Variants in FHOD1 observed in about 807,000 individuals in gnomAD.
FHOD1 encodes FH1/FH2 domain-containing protein 1.
FHOD1 carries 89 observed loss-of-function variants against 111.6 expected under a neutral mutation model. The observed-to-expected ratio is 0.80, with a 90% CI of 0.67 to 0.95. FHOD1 has a LOEUF of 0.95. FHOD1 is among the 40% of genes least tolerant of loss of function. The probability of loss-of-function intolerance (pLI) is 0.00; values close to 1 mark genes in which losing one functional copy is unlikely to be tolerated. For missense variants in FHOD1, 1,446 were observed against 1,554.2 expected, an observed-to-expected ratio of 0.93 and a Z score of 1.17; for synonymous variants, 618 against 639.0, an observed-to-expected ratio of 0.97 and a Z score of 0.50.
rs745452115 is a variant in FHOD1 at position 67,230,606 on chromosome 16, G to A, written c.2853C>T (p.Cys951=). The A allele has an allele frequency of 3.7e-6, 6 of 1,614,124 alleles. No homozygotes were observed. Among genetic ancestry groups the A allele is most frequent in the South Asian group, 2.2e-5 (2 of 91,082 alleles). ...AMLRIVHRRV[C]NRFHAFLLYL... ...TCTTGGGTCCATGCCCCTACCTATT[G>A]CAGACACGGCGGTGCACTATCCTTA... Residue 951 remains cysteine, a synonymous_variant, in exon 18 of 22, where the codon TGC becomes TGT. Coordinates refer to ENST00000258201, the MANE Select transcript of FHOD1 (RefSeq NM_013241.3).
chr16:67,230,333 C>T lies in FHOD1; in HGVS notation c.3032G>A (p.Arg1011Gln), dbSNP rs1436846845. The part of the protein sequence containing the change: ...QATYRERNKT[R>Q]GRMITETEKF... ...ACCCACCTCGGTGATCATGCGTCCC[C>T]GGGTCTTGTTGCGCTCACGGTATGT... is the stretch of plus-strand genomic sequence containing the variant. The change falls in exon 19 of 22, where the codon CGG (arginine) becomes CAG (glutamine). Residue 1011 changes from arginine to glutamine, a missense_variant. Physicochemically the swap from Arg to Gln is conservative, Grantham distance 43 (BLOSUM62 1). Transcript: ENST00000258201. 9 of 1,614,216 alleles carry T rather than the reference C, an allele frequency of 5.6e-6. No homozygotes were observed. The highest frequency in any genetic ancestry group is 1.1e-5 in the South Asian group (1 of 91,086).
intron 1 of FHOD1, among the ~76,000 whole-genome samples, chr16:67,242,946 A>G (rs1412374500): frequency 2.0e-5 from 3 of 151,252 alleles, no homozygotes; most frequent in Non-Finnish European, 4.4e-5. Context: ...ATAGATATTG[A>G]TAATTTATAT....
intron 1 of FHOD1, among the ~76,000 whole-genome samples, chr16:67,240,554 T>G (rs572834448): frequency 6.6e-6 from 1 of 152,110 alleles, no homozygotes; most frequent in South Asian, 2.1e-4. Flanking sequence ...ACAAAACACT[T>G]AAGAGTCTGA....
intron 17 of FHOD1, 130 bp from the exon 18 acceptor site, chr16:67,230,921 G>C (rs2034242304): frequency 9.6e-7 from 1 of 1,037,220 alleles, no homozygotes; most frequent in Admixed American, 2.6e-5. Flanking sequence ...TCATAGACTA[G>C]TGCAAGAGAC....
At chr16:67,234,623 C>A (rs570267750) in intron 11 of FHOD1, 151 bp from the exon 12 acceptor site, 15 of 622,972 alleles carry the variant, frequency 2.4e-5, no homozygotes, top group East Asian at 5.6e-5. Flanking sequence ...AACCACACCC[C>A]CCCCAAGGCC....
intron 11 of FHOD1, chr16:67,236,072 G>T: frequency 1.0e-6 from 1 of 970,980 alleles, no homozygotes; most frequent in Non-Finnish European, 1.2e-6. Context: ...CAGGGGCCCT[G>T]GGTAGGGGGG....
Position 67,229,530 on chromosome 16 carries a change from C to T in FHOD1, c.*106G>A. 1.0e-6 allele frequency: 1 copy of T among 998,592 alleles called. No homozygotes were observed. Among genetic ancestry groups the T allele is most frequent in the Non-Finnish European group, 1.6e-6 (1 of 626,220 alleles). 61.9% of individuals were successfully genotyped at this position (998,592 alleles called of 1,614,324 possible). A position where few individuals can be genotyped will look rare whatever the true frequency, so the allele number is the denominator to read the frequency against. ...GCTAATACTGCTCAAGGCATGGCTC[C>T]TGGGCACAGAGTTCTGGGGCCAGAA... is the stretch of plus-strand genomic sequence containing the variant. On this transcript the variant is annotated 3_prime_UTR_variant, in exon 22 of 22. Transcript: ENST00000258201.
At position 67,233,601 on chromosome 16, in the gene FHOD1, A is replaced by C. The variant is rs1285382931; in HGVS notation, c.2046+56T>G. 2.6e-6 allele frequency: 4 copies of C among 1,522,504 alleles called. 1 individual carries two copies. In the Admixed American group the frequency reaches 8.3e-5, roughly 32 times the overall value. 94.3% of individuals were successfully genotyped at this position (1,522,504 alleles called of 1,614,324 possible). ...ACTAGCTCCAACAGGTCAGATCCTT[A>C]AGCTCTGATTCCCTCCTGCCTCCCT... is the stretch of plus-strand genomic sequence containing the variant. On this transcript the variant is annotated intron_variant, in intron 13 of 21. Coordinates refer to ENST00000258201, the MANE Select transcript of FHOD1 (RefSeq NM_013241.3).
intron 11 of FHOD1, among the ~76,000 whole-genome samples, chr16:67,235,514 A>G (rs1413922648): frequency 3.4e-5 from 5 of 148,150 alleles, no homozygotes; most frequent in Non-Finnish European, 7.4e-5. Flanking sequence ...TTGGAGACCG[A>G]GCAAGACTCT....
At chr16:67,246,000 C>G (rs561888062) in intron 1 of FHOD1, among the ~76,000 whole-genome samples, 1 of 152,348 alleles carries the variant, frequency 6.6e-6, no homozygotes, top group Non-Finnish European at 1.5e-5. Context: ...GCAAGAGAAG[C>G]GGGGGCTGAG....
chr16:67,229,577 C>T lies in FHOD1; in HGVS notation c.*59G>A. The stretch of plus-strand genomic sequence containing the variant: ...AGAATTCTGCTCTGGGCCCTCCTCA[C>T]TCTGTCATCTCCTGCACTGCAGTCC... On this transcript the variant is annotated 3_prime_UTR_variant, in exon 22 of 22. Coordinates refer to ENST00000258201, the MANE Select transcript of FHOD1 (RefSeq NM_013241.3). 2 of 1,491,990 alleles carry T rather than the reference C, an allele frequency of 1.3e-6. No individual in the cohort carries two copies. The highest frequency in any genetic ancestry group is 1.9e-6 in the Non-Finnish European group (2 of 1,068,710). The allele number at this position is 1,491,990 out of a possible 1,614,324, so 92.4% of individuals were successfully genotyped here.
At chr16:67,233,055 C>A (rs184319213) in intron 13 of FHOD1, among the ~76,000 whole-genome samples, 27 of 151,576 alleles carry the variant, frequency 1.8e-4, no homozygotes, top group Admixed American at 1.4e-3. Flanking sequence ...CCATGCCCGG[C>A]TAATTTTTTT....
chr16:67,231,296 C>G lies in FHOD1; in HGVS notation c.2559G>C (p.Thr853=). 6.2e-7 allele frequency: 1 copy of G among 1,614,184 alleles called. No individual in the cohort carries two copies. Among genetic ancestry groups the G allele is most frequent in the South Asian group, 1.1e-5 (1 of 91,090 alleles). ...GGTGTAGCAGTGACTGTCGACGCACCGTGTCCTTCACCTCTGACACCTTCT... is the reference window on the plus strand; with the variant it reads ...GGTGTAGCAGTGACTGTCGACGCACGGTGTCCTTCACCTCTGACACCTTCT... The part of the protein sequence containing the change: ...YLEKVSEVKD[T]VRRQSLLHHL... Residue 853 remains threonine, a synonymous_variant, in exon 17 of 22, where the codon ACG becomes ACC. Transcript: ENST00000258201. The surrounding 1 kb of genome is among the most constrained non-coding windows in gnomAD (Gnocchi z 4.3).
chr16:67,236,461 C>G, intron 11 of FHOD1, 96 bp downstream of exon 11: 1 of 1,539,960 alleles, frequency 6.5e-7, no homozygotes, highest in Non-Finnish European at 8.8e-7. Context: ...AGAAAGCACG[C>G]GTTTGGGCAG....
intron 1 of FHOD1, chr16:67,246,919 C>A: frequency 2.2e-6 from 1 of 445,846 alleles, no homozygotes; most frequent in East Asian, 4.0e-5. Flanking sequence ...CCAGGGAAGC[C>A]ACCCTGGCAG....
At position 67,246,642 on chromosome 16, in the gene FHOD1, C is replaced by T. The variant is rs567528962; in HGVS notation, c.201+568G>A. Among the ~76,000 whole-genome samples the T allele has an allele frequency of 2.1e-4, 32 of 152,324 alleles. No homozygotes were observed. The East Asian group carries it at 5.8e-3, about 28-fold the overall frequency. ...GTGCAGCCTCCTGCGCTCTGCGGAT[C>T]CCGGGCCAGACCGCTTCGCGGGGAC... On this transcript the variant is annotated intron_variant, in intron 1 of 21. Transcript: ENST00000258201.
In FHOD1 at chr16:67,238,356, C is replaced by A. The variant is rs772621143; in HGVS notation, c.441+24G>T. The A allele has an allele frequency of 5.0e-6, 8 of 1,613,956 alleles. No individual in the cohort carries two copies. In the Admixed American group the frequency reaches 6.7e-5, roughly 13 times the overall value. ...AGGGAAGCTTGGGCTACACACTTACCCCCAGCCCACTGCGGGGCCTCACCT... is the reference window on the plus strand; with the variant it reads ...AGGGAAGCTTGGGCTACACACTTACACCCAGCCCACTGCGGGGCCTCACCT... On this transcript the variant is annotated intron_variant, in intron 4 of 21. Transcript: ENST00000258201. This position sits in a 1 kb window ranked among gnomAD's most constrained non-coding sequence, Gnocchi z 4.2.
chr16:67,243,983 A>G (rs2034739025), intron 1 of FHOD1, among the ~76,000 whole-genome samples: 1 of 152,138 alleles, frequency 6.6e-6, no homozygotes, highest in Non-Finnish European at 1.5e-5. Context: ...AGTTTTCTAC[A>G]GTCTCCCAAA....
At chr16:67,234,730 G>A in intron 11 of FHOD1, 3 of 472,564 alleles carry the variant, frequency 6.3e-6, no homozygotes, top group South Asian at 3.5e-5. Context: ...CATCTAACTT[G>A]CAACCTCGTT....
Sources: allele counts gnomAD v4.1 joint callset (sites outside exome capture counted in the v4.1 genomes callset), GRCh38; gene constraint gnomAD v4.1.1; non-coding constraint Gnocchi (gnomAD v3.1); transcripts MANE v1.5; gene names NCBI Gene and HGNC (gene_info 2026-07-23, HGNC 2026-07-21).